The following MACROD2 variants were observed in gnomAD, a reference collection of about 807,000 sequenced individuals.
MACROD2 encodes mono-ADP ribosylhydrolase 2, also known as ADP-ribose glycohydrolase MACROD2.
MACROD2 carries 36 observed loss-of-function variants against 70.4 expected under a neutral mutation model. The ratio of observed to expected loss-of-function variants is 0.51; its 90% confidence interval spans 0.39 to 0.68. The LOEUF (loss-of-function observed/expected upper bound fraction) is 0.68. Among genes scored for constraint, MACROD2 ranks in the 30% least tolerant of loss-of-function variants. MACROD2 has a pLI of 0.00. For synonymous variants in MACROD2, 172 were observed against 178.8 expected (o/e 0.96, Z 0.30); for missense variants, 496 against 538.4 (o/e 0.92, Z 0.78).
chr20:15,630,488 T>C (rs900760779), intron 8 of MACROD2, among the ~76,000 whole-genome samples: 2 of 152,240 alleles, frequency 1.3e-5, no homozygotes, highest in Non-Finnish European at 2.9e-5. Flanking sequence ...TCTCTCCAAC[T>C]GGATTATAAA....
chr20:14,788,722 C>A (rs1193873936), intron 5 of MACROD2, among the ~76,000 whole-genome samples: 3 of 134,482 alleles, frequency 2.2e-5, no homozygotes, highest in Admixed American at 1.5e-4. Flanking sequence ...CTTCTTTGTA[C>A]TTTTTGTATT....
At chr20:15,696,828 G>A (rs1220112627) in intron 8 of MACROD2, among the ~76,000 whole-genome samples, 2 of 151,806 alleles carry the variant, frequency 1.3e-5, no homozygotes, top group African/African-American at 4.8e-5. Context: ...AGGTTTTCTA[G>A]TTTATGTGCA....
chr20:15,800,302 G>A (rs1000834380), intron 8 of MACROD2, among the ~76,000 whole-genome samples: 17 of 149,930 alleles, frequency 1.1e-4, no homozygotes, highest in African/African-American at 4.0e-4. Context: ...GGTCCCATTT[G>A]CCTATTTTTT....
At position 14,326,029 on chromosome 20, in the gene MACROD2, G is replaced by T. The variant is rs761455522; in HGVS notation, c.272-167450G>T. ...AGTTTCAGTCTCAATACAAACAGGA[G>T]TTTCATCAAATAGGTAGAGGTTGCT... On this transcript the variant is annotated intron_variant, in intron 3 of 17. Transcript: ENST00000684519. The surrounding 1 kb of genome is among the most constrained non-coding windows in gnomAD (Gnocchi z 5.5). 1.2e-6 allele frequency: 2 copies of T among 1,613,802 alleles called. No individual in the cohort carries two copies. The highest frequency in any genetic ancestry group is 2.2e-5 in the East Asian group (1 of 44,878).
intron 8 of MACROD2, among the ~76,000 whole-genome samples, chr20:15,543,863 C>G (rs2047991016): frequency 6.6e-6 from 1 of 152,208 alleles, no homozygotes; most frequent in Non-Finnish European, 1.5e-5. Flanking sequence ...GACAAGCCAG[C>G]CTGCCTGGAC....
intron 5 of MACROD2, among the ~76,000 whole-genome samples, chr20:14,716,154 A>G (rs1400091814): frequency 3.3e-5 from 5 of 152,202 alleles, no homozygotes; most frequent in African/African-American, 1.2e-4. Context: ...AATAAGAGCC[A>G]TGCTCTTTTG....
At chr20:15,023,234 AGCC>A (rs1568536343) in intron 5 of MACROD2, among the ~76,000 whole-genome samples, 15 of 152,198 alleles carry the variant, frequency 9.9e-5, no homozygotes, top group Admixed American at 2.6e-4. Context: ...AAACACTTAG[AGCC>A]TCTATAACTG....
intron 8 of MACROD2, among the ~76,000 whole-genome samples, chr20:15,723,020 C>T (rs569645814): frequency 2.3e-4 from 35 of 152,264 alleles, no homozygotes; most frequent in Admixed American, 9.2e-4. Flanking sequence ...TACCTGCAAA[C>T]GCTCTGTTTC....
At chr20:14,698,161 G>A (rs2071148519) in intron 5 of MACROD2, among the ~76,000 whole-genome samples, 1 of 152,110 alleles carries the variant, frequency 6.6e-6, no homozygotes, top group Non-Finnish European at 1.5e-5. Context: ...GATGGAATGG[G>A]GATTTTACTT....
chr20:14,065,259 C>T (rs751355264), intron 2 of MACROD2, among the ~76,000 whole-genome samples: 177 of 152,182 alleles, frequency 1.2e-3, no homozygotes, highest in Non-Finnish European at 2.3e-3. Context: ...TAGGACTCCT[C>T]GCATCTGATC....
At chr20:15,837,386 C>T (rs2064125574) in intron 8 of MACROD2, among the ~76,000 whole-genome samples, 1 of 152,106 alleles carries the variant, frequency 6.6e-6, no homozygotes, top group African/African-American at 2.4e-5. Context: ...GAACTGGTCT[C>T]TCAACTTTCT....
intron 6 of MACROD2, among the ~76,000 whole-genome samples, chr20:15,396,786 A>T (rs2045865480): frequency 6.6e-6 from 1 of 152,208 alleles, no homozygotes; most frequent in Admixed American, 6.5e-5. Context: ...GGAAGACTAT[A>T]ACATGTGCGA....
At chr20:15,432,693 T>C (rs999624269) in intron 7 of MACROD2, among the ~76,000 whole-genome samples, 2 of 151,342 alleles carry the variant, frequency 1.3e-5, no homozygotes, top group Non-Finnish European at 2.9e-5. Context: ...TGTTCTTTCA[T>C]TGCAATCTTG....
chr20:14,371,132 C>A (rs1028781542), intron 3 of MACROD2, among the ~76,000 whole-genome samples: 1 of 152,004 alleles, frequency 6.6e-6, no homozygotes, highest in Non-Finnish European at 1.5e-5. Context: ...GCAATTTATA[C>A]TTCATTATAC....
At chr20:15,300,763 G>C (rs1393282644) in intron 6 of MACROD2, among the ~76,000 whole-genome samples, 1 of 152,132 alleles carries the variant, frequency 6.6e-6, no homozygotes, top group African/African-American at 2.4e-5. Flanking sequence ...GGTTAAGGCT[G>C]GTCAATGATA....
At chr20:14,385,384 A>G (rs527687093) in intron 3 of MACROD2, among the ~76,000 whole-genome samples, 1 of 152,136 alleles carries the variant, frequency 6.6e-6, no homozygotes, top group South Asian at 2.1e-4. Context: ...CTCTGTTGTG[A>G]TTCATAGTTT....
chr20:14,954,329 A>C (rs537871578), intron 5 of MACROD2, among the ~76,000 whole-genome samples: 2 of 151,692 alleles, frequency 1.3e-5, no homozygotes, highest in African/African-American at 2.4e-5. Context: ...CATTTGTTGG[A>C]TCTACTTATG....
intron 5 of MACROD2, among the ~76,000 whole-genome samples, chr20:15,077,126 C>G (rs1243386939): frequency 6.6e-6 from 1 of 152,152 alleles, no homozygotes; most frequent in Non-Finnish European, 1.5e-5. Context: ...ACAAAACAGA[C>G]CCTGAATTGT....
chr20:14,956,588 T>C (rs181989800), intron 5 of MACROD2, among the ~76,000 whole-genome samples: 7 of 152,292 alleles, frequency 4.6e-5, no homozygotes, highest in African/African-American at 1.4e-4. Flanking sequence ...TAAAAAACTA[T>C]CTTGGAAGTT....
Sources: gnomAD v4.1 joint callset for allele counts (sites outside exome capture counted in the v4.1 genomes callset) on GRCh38, gnomAD v4.1.1 for gene constraint, Gnocchi (gnomAD v3.1) non-coding constraint, MANE v1.5 for transcripts, NCBI Gene and HGNC (gene_info 2026-07-23, HGNC 2026-07-21) for gene names.